ABCC3: variants seen among roughly 807,000 people sequenced by gnomAD.
ABCC3 encodes ATP binding cassette subfamily C member 3, also known as ATP-binding cassette sub-family C member 3.
In ABCC3, 121 loss-of-function variants were observed where a neutral mutation model predicts 165.3. That is an observed-to-expected ratio of 0.73 (90% CI 0.63 to 0.85). The LOEUF (loss-of-function observed/expected upper bound fraction) is 0.85. Ranked by LOEUF, ABCC3 falls within the 40% of genes least tolerant of loss-of-function variation. The probability of loss-of-function intolerance (pLI) is 0.00; values close to 1 mark genes in which losing one functional copy is unlikely to be tolerated. For missense variants in ABCC3, 1,869 were observed against 1,964.1 expected (o/e 0.95, Z 0.92); for synonymous variants, 733 against 810.1 (o/e 0.90, Z 1.62).
intron 7 of ABCC3, among the ~76,000 whole-genome samples, chr17:50,659,582 C>T (rs1328578723): frequency 1.3e-5 from 2 of 152,166 alleles, no homozygotes; most frequent in Non-Finnish European, 2.9e-5. Context: ...GAATGGCTGG[C>T]ACTTTGGAGC....
chr17:50,658,501 G>C lies in ABCC3; in HGVS notation c.674+5G>C, dbSNP rs1252476037. ...GTTTTTCTGGTGGTTCACAAAGTGA[G>C]TTGGCTCTTCCACCAGCCAGGCCAG... On this transcript the variant is annotated splice_donor_5th_base_variant and intron_variant, in intron 6 of 30. Coordinates refer to ENST00000285238, the MANE Select transcript of ABCC3 (RefSeq NM_003786.4). 1.2e-6 allele frequency: 2 copies of C among 1,613,474 alleles called. No individual in the cohort carries two copies.
chr17:50,637,784 G>A (rs546980254), intron 1 of ABCC3, among the ~76,000 whole-genome samples: 1 of 152,260 alleles, frequency 6.6e-6, no homozygotes, highest in Non-Finnish European at 1.5e-5. Context: ...ACATTCCCCG[G>A]AAGAGGGAGG....
chr17:50,677,520 C>T (rs1322012257), intron 23 of ABCC3, among the ~76,000 whole-genome samples: 1 of 151,946 alleles, frequency 6.6e-6, no homozygotes. Context: ...GAGGCAGAGC[C>T]GTGTTGTTGT....
chr17:50,688,902 CAAA>C (rs35792889), intron 30 of ABCC3, among the ~76,000 whole-genome samples: 5 of 130,818 alleles, frequency 3.8e-5, no homozygotes, highest in Admixed American at 8.0e-5. Context: ...GACGTTGTCT[CAAA>C]AAAAAAAAAA....
In ABCC3 at chr17:50,676,004, C is replaced by A. The variant is rs776708112; in HGVS notation, c.2981C>A (p.Ala994Asp). The A allele has an allele frequency of 1.2e-6, 2 of 1,614,182 alleles. No individual in the cohort carries two copies. The highest frequency in any genetic ancestry group is 1.7e-6 in the Non-Finnish European group (2 of 1,180,040). ...ATTGGAGCCAATGTGTGGCTCAGTG[C>A]CTGGACAAATGATGCCATGGCAGAC... ...AAIGANVWLS[A>D]WTNDAMADSR... is the part of the protein sequence containing the mutation. The change falls in exon 22 of 31, where the codon GCC becomes GAC. Residue 994 changes from alanine to aspartate, a missense_variant. Ala to Asp is a moderately radical substitution (Grantham distance 126). Transcript: ENST00000285238.
At chr17:50,651,222 A>G (rs4794175) in intron 1 of ABCC3, among the ~76,000 whole-genome samples, 9,405 of 152,238 alleles carry the variant, frequency 0.062, 356 homozygotes, top group Middle Eastern at 0.088. Flanking sequence ...TCATAGTACA[A>G]TTTGTCAGTG....
In ABCC3 at chr17:50,691,833, G is replaced by C. The variant is rs1184428663; in HGVS notation, c.*633G>C. On this transcript the variant is annotated 3_prime_UTR_variant, in exon 31 of 31. Transcript: ENST00000285238. ...TGAACTTCAGACCCAAGAGCTCTTG[G>C]CTGCAAATATTGCCTTCACAGCCAA... 1 of 152,188 alleles carries C rather than the reference G, an allele frequency of 6.6e-6. No homozygotes were observed. Among genetic ancestry groups the C allele is most frequent in the African/African-American group, 2.4e-5 (1 of 41,434 alleles). 9.4% of individuals were successfully genotyped at this position (152,188 alleles called of 1,614,324 possible).
Position 50,676,413 on chromosome 17 carries a change from TC to T in ABCC3, c.3205del (p.Leu1069Ter), listed in dbSNP as rs757447832. ...TTTGACACCACACCATCAGGCCGCA[TC>T]CTGAACTGCTTCTCCAAGGACATCT... The part of the protein sequence containing the change: ...SFFDTTPSGR[I>X]LNCFSKDIYV... On this transcript the variant is annotated frameshift_variant, in exon 23 of 31. Transcript: ENST00000285238. LOFTEE classifies it high-confidence loss of function. 2 of 1,614,204 alleles carry T rather than the reference TC, an allele frequency of 1.2e-6. No individual in the cohort carries two copies. The highest frequency in any genetic ancestry group is 2.2e-5 in the South Asian group (2 of 91,092).
intron 5 of ABCC3, 21 bp from the exon 6 acceptor site, chr17:50,658,414 T>C: frequency 6.2e-7 from 1 of 1,611,872 alleles, no homozygotes; most frequent in South Asian, 1.1e-5. Flanking sequence ...GATTCCCCCG[T>C]CCTATTCTCT....
In ABCC3 at chr17:50,683,763, G is replaced by T; in HGVS notation, c.3954+7G>T. 4 of 1,602,926 alleles carry T rather than the reference G, an allele frequency of 2.5e-6. No homozygotes were observed. Among genetic ancestry groups the T allele is most frequent in the Non-Finnish European group, 1.7e-6 (2 of 1,176,138 alleles). ...TGTGCACGGTGGCGAGAAGGTACGC[G>T]TGGGGTAGGCGGGCCTGCGTGTGTG... On this transcript the variant is annotated splice_region_variant and intron_variant, in intron 27 of 30. Coordinates refer to ENST00000285238, the MANE Select transcript of ABCC3 (RefSeq NM_003786.4).
chr17:50,675,547 G>A, intron 20 of ABCC3, 71 bp downstream of exon 20: 6 of 1,577,230 alleles, frequency 3.8e-6, no homozygotes, highest in East Asian at 2.3e-5. Flanking sequence ...CAGATGGGGT[G>A]CAGGTTTCTC....
At chr17:50,665,574 A>G (rs1967505962) in intron 11 of ABCC3, among the ~76,000 whole-genome samples, 1 of 151,252 alleles carries the variant, frequency 6.6e-6, no homozygotes, top group Non-Finnish European at 1.5e-5. Context: ...CACTCAGTCT[A>G]CTATTTGCAA....
intron 26 of ABCC3, among the ~76,000 whole-genome samples, chr17:50,681,547 C>T (rs529668194): frequency 1.3e-5 from 2 of 152,214 alleles, no homozygotes; most frequent in East Asian, 1.9e-4. Context: ...CAGACACACA[C>T]GCAAACCCTC....
intron 17 of ABCC3, among the ~76,000 whole-genome samples, chr17:50,670,701 T>C (rs1219044255): frequency 1.3e-5 from 2 of 152,162 alleles, no homozygotes; most frequent in East Asian, 1.9e-4. Flanking sequence ...AAATCCTCAC[T>C]GAGAATCAGA....
chr17:50,667,788 C>G, intron 12 of ABCC3, 31 bp downstream of exon 12: 2 of 1,613,964 alleles, frequency 1.2e-6, no homozygotes, highest in Non-Finnish European at 1.7e-6. Context: ...GGGTCCCTGC[C>G]TCCAGGGCTC....
At chr17:50,659,453 G>A (rs1267086450) in intron 7 of ABCC3, 85 bp downstream of exon 7, 15 of 1,475,126 alleles carry the variant, frequency 1.0e-5, no homozygotes, top group Admixed American at 5.9e-5. Context: ...CTTGGAGGGC[G>A]GCATTGCTGG....
chr17:50,645,754 C>T (rs1455844440), intron 1 of ABCC3, among the ~76,000 whole-genome samples: 1 of 152,136 alleles, frequency 6.6e-6, no homozygotes, highest in Non-Finnish European at 1.5e-5. Flanking sequence ...TGCCTGTCAC[C>T]AGACCAGGCT....
chr17:50,651,448 C>G (rs147267376), intron 1 of ABCC3, among the ~76,000 whole-genome samples: 1 of 152,100 alleles, frequency 6.6e-6, no homozygotes, highest in African/African-American at 2.4e-5. Context: ...GGTGGCTGAG[C>G]GTGGTGGCTC....
At chr17:50,637,622 AG>A (rs1323695251) in intron 1 of ABCC3, among the ~76,000 whole-genome samples, 2 of 152,248 alleles carry the variant, frequency 1.3e-5, no homozygotes, top group African/African-American at 4.8e-5. Flanking sequence ...CAAGATGCTC[AG>A]TAGCTCATCC....
Sources: gnomAD v4.1 joint callset for allele counts (sites outside exome capture counted in the v4.1 genomes callset) on GRCh38, gnomAD v4.1.1 for gene constraint, MANE v1.5 for transcripts, NCBI Gene and HGNC (gene_info 2026-07-23, HGNC 2026-07-21) for gene names.